The following RNPEP variants were observed in gnomAD, a reference collection of about 807,000 sequenced individuals.
RNPEP encodes aminopeptidase B.
RNPEP carries 57 observed loss-of-function variants against 70.1 expected under a neutral mutation model. The ratio of observed to expected loss-of-function variants is 0.81; its 90% confidence interval spans 0.66 to 1.01. The LOEUF (loss-of-function observed/expected upper bound fraction) is 1.01, where lower values mean the gene tolerates loss of function less well. Ranked by LOEUF, RNPEP falls within the 50% of genes least tolerant of loss-of-function variation. RNPEP has a pLI of 0.00. For missense variants in RNPEP, 787 were observed against 852.4 expected (o/e 0.92, Z 0.96); for synonymous variants, 335 against 357.4 (o/e 0.94, Z 0.71).
intron 4 of RNPEP, 200 bp downstream of exon 4, chr1:201,996,463 CTTTGTG>C: frequency 3.1e-6 from 1 of 327,620 alleles, no homozygotes. Context: ...AGATGAGGTT[CTTTGTG>C]TGTGTGTGTG....
chr1:201,984,385 G>T (rs896745415), intron 1 of RNPEP, among the ~76,000 whole-genome samples: 11 of 152,180 alleles, frequency 7.2e-5, no homozygotes, highest in Non-Finnish European at 1.5e-4. Flanking sequence ...TACACAAATG[G>T]TTACATTCTT....
intron 3 of RNPEP, among the ~76,000 whole-genome samples, chr1:201,993,204 C>T (rs1683408012): frequency 6.6e-6 from 1 of 152,204 alleles, no homozygotes; most frequent in Non-Finnish European, 1.5e-5. Flanking sequence ...CTTACATGTC[C>T]TCTGGGACTT....
At chr1:202,000,147 T>G in intron 6 of RNPEP, 132 bp downstream of exon 6, 2 of 657,454 alleles carry the variant, frequency 3.0e-6, no homozygotes, top group Non-Finnish European at 2.6e-6. Context: ...CCAGAGCTCT[T>G]TGTAGCCAAT....
At chr1:202,001,171 G>C (rs1344888900) in intron 6 of RNPEP, 1 of 572,216 alleles carries the variant, frequency 1.7e-6, no homozygotes, top group Non-Finnish European at 3.1e-6. Context: ...TTGAGATAGA[G>C]ATCTTAAGAG....
intron 3 of RNPEP, among the ~76,000 whole-genome samples, chr1:201,990,319 C>T (rs1168687130): frequency 2.0e-5 from 3 of 152,218 alleles, no homozygotes; most frequent in Non-Finnish European, 2.9e-5. Context: ...TTCCTATCTG[C>T]AGCAGATGCA....
chr1:201,989,601 C>T, intron 3 of RNPEP, 70 bp downstream of exon 3: 1 of 1,556,212 alleles, frequency 6.4e-7, no homozygotes, highest in Non-Finnish European at 8.8e-7. Flanking sequence ...GACCAGTGGA[C>T]CTGCTGGGGG....
In RNPEP at chr1:201,982,780, C is replaced by T. The variant is rs1226675616; in HGVS notation, c.114C>T (p.His38=). The T allele has an allele frequency of 7.4e-7, 1 of 1,356,630 alleles. No individual in the cohort carries two copies. Among genetic ancestry groups the T allele is most frequent in the African/African-American group, 1.5e-5 (1 of 65,008 alleles). 84.0% of individuals were successfully genotyped at this position (1,356,630 alleles called of 1,614,324 possible). ...ACTTCCGGGCCTTTGAGCTGCTGCA[C>T]TTGCACCTGGACCTGCGGGCTGAGT... ...ASNFRAFELL[H]LHLDLRAEFG... The change falls in exon 1 of 11, where the codon CAC becomes CAT. Residue 38 remains histidine (H), a synonymous_variant. Transcript: ENST00000295640.
chr1:201,996,520 G>GTCTCGC (rs1301015319), intron 4 of RNPEP: 4 of 301,354 alleles, frequency 1.3e-5, no homozygotes, highest in Non-Finnish European at 2.4e-5. Flanking sequence ...TTGAGATGGA[G>GTCTCGC]TCTCGCTCTG....
chr1:201,986,218 A>C (rs937309822), intron 1 of RNPEP, among the ~76,000 whole-genome samples: 1 of 151,950 alleles, frequency 6.6e-6, no homozygotes, highest in Non-Finnish European at 1.5e-5. Flanking sequence ...AATTACAGGC[A>C]TGAGCCACTG....
At chr1:201,983,459 C>T in intron 1 of RNPEP, 2 of 1,403,244 alleles carry the variant, frequency 1.4e-6, no homozygotes, top group Non-Finnish European at 1.9e-6. Context: ...CCGTGGCTTT[C>T]TAGATGACCT....
chr1:202,005,426 C>A, intron 10 of RNPEP, 132 bp from the exon 11 acceptor site: 2 of 987,106 alleles, frequency 2.0e-6, no homozygotes, highest in Non-Finnish European at 3.0e-6. Context: ...AGAAGCTCCT[C>A]ATTCCAGCTG....
intron 3 of RNPEP, among the ~76,000 whole-genome samples, chr1:201,995,101 T>C (rs547136060): frequency 1.9e-5 from 1 of 52,124 alleles, no homozygotes; most frequent in East Asian, 1.4e-3. Context: ...GACTGGATCT[T>C]CTTGTTTTGT....
Position 201,986,119 on chromosome 1 carries a change from G to C in RNPEP, c.448-2785G>C, listed in dbSNP as rs936959194. On this transcript the variant is annotated intron_variant, in intron 1 of 10. Transcript: ENST00000295640. ...TTTTGAATTTATTATTTGTAGAGATGAGGTCTCACTGTGTTATCCAGGCTT... is the reference window on the plus strand; with the variant it reads ...TTTTGAATTTATTATTTGTAGAGATCAGGTCTCACTGTGTTATCCAGGCTT... Among the ~76,000 whole-genome samples the C allele has an allele frequency of 5.3e-5, 8 of 152,268 alleles. No homozygotes were observed. In the South Asian group the frequency reaches 8.3e-4, roughly 16 times the overall value.
intron 2 of RNPEP, 62 bp from the exon 3 acceptor site, chr1:201,989,321 T>C: frequency 1.9e-6 from 3 of 1,583,202 alleles, no homozygotes; most frequent in Non-Finnish European, 2.6e-6. Context: ...CATGCTCTTA[T>C]TCAAACTAAT....
intron 3 of RNPEP, among the ~76,000 whole-genome samples, chr1:201,995,077 GCA>G (rs1381793329): frequency 4.1e-5 from 6 of 147,076 alleles, no homozygotes; most frequent in Non-Finnish European, 9.0e-5. Context: ...TGAGTCCATT[GCA>G]TCTTTCCATT....
At chr1:201,986,536 C>CTTTCTTTTTTTT (rs1553303391) in intron 1 of RNPEP, among the ~76,000 whole-genome samples, 1 of 80,616 alleles carries the variant, frequency 1.2e-5, no homozygotes, top group Non-Finnish European at 2.5e-5. Flanking sequence ...CATTTTCTTT[C>CTTTCTTTTTTTT]TTTTTTTTTT....
intron 1 of RNPEP, among the ~76,000 whole-genome samples, chr1:201,987,525 C>A (rs1683177049): frequency 6.7e-6 from 1 of 149,174 alleles, no homozygotes; most frequent in African/African-American, 2.5e-5. Flanking sequence ...GCAACATCTG[C>A]CTCCTGGGTT....
At chr1:201,985,603 T>C (rs6702211) in intron 1 of RNPEP, among the ~76,000 whole-genome samples, 83,759 of 151,828 alleles carry the variant, frequency 0.55, 23,431 homozygotes, top group Non-Finnish European at 0.6. Context: ...GTTCAGTACC[T>C]CCTACATACA....
At chr1:201,995,375 A>C (rs1426985036) in intron 3 of RNPEP, among the ~76,000 whole-genome samples, 1 of 152,132 alleles carries the variant, frequency 6.6e-6, no homozygotes, top group Non-Finnish European at 1.5e-5. Context: ...GCAGTTAACA[A>C]ATTTCTATTA....
Sources: gnomAD v4.1 joint callset for allele counts (sites outside exome capture counted in the v4.1 genomes callset) on GRCh38, gnomAD v4.1.1 for gene constraint, MANE v1.5 for transcripts, NCBI Gene and HGNC (gene_info 2026-07-23, HGNC 2026-07-21) for gene names.